The following IQCH variants were observed in gnomAD, a reference collection of about 807,000 sequenced individuals.
IQCH encodes IQ domain-containing protein H.
A neutral mutation model predicts 117.0 loss-of-function variants in IQCH; 98 were observed. That is an observed-to-expected ratio of 0.84 (90% CI 0.71 to 0.99). The LOEUF is 0.99. IQCH is among the 50% of genes least tolerant of loss of function. The pLI, the probability that IQCH is intolerant of heterozygous loss-of-function variation, is 0.00. For synonymous variants in IQCH, 412 were observed against 448.2 expected (o/e 0.92, Z 1.02); for missense variants, 1,102 against 1,243.8 (o/e 0.89, Z 1.72).
intron 3 of IQCH, among the ~76,000 whole-genome samples, chr15:67,268,219 G>A (rs1965757124): frequency 6.6e-6 from 1 of 152,194 alleles, no homozygotes; most frequent in African/African-American, 2.4e-5. Context: ...GTCTGGTAGA[G>A]ACAAACCAGT....
At chr15:67,412,691 G>A (rs868019128) in intron 14 of IQCH, among the ~76,000 whole-genome samples, 10 of 152,084 alleles carry the variant, frequency 6.6e-5, no homozygotes, top group Admixed American at 3.9e-4. Context: ...GAGCCACCGC[G>A]CCCGGCCTCA....
intron 14 of IQCH, among the ~76,000 whole-genome samples, chr15:67,410,448 C>T (rs2081420930): frequency 1.3e-5 from 2 of 152,206 alleles, no homozygotes; most frequent in South Asian, 4.1e-4. Context: ...GTAGCTCCTG[C>T]AGTTTGTCCC....
At chr15:67,276,238 A>G (rs1035805835) in intron 3 of IQCH, among the ~76,000 whole-genome samples, 3 of 152,360 alleles carry the variant, frequency 2.0e-5, no homozygotes, top group African/African-American at 7.2e-5. Flanking sequence ...AAAGGATTTA[A>G]GAAATACACC....
At chr15:67,263,080 A>T in intron 2 of IQCH, 42 bp from the exon 3 acceptor site, 1 of 1,039,494 alleles carries the variant, frequency 9.6e-7, no homozygotes, top group Non-Finnish European at 1.5e-6. Flanking sequence ...TGAGTATCTT[A>T]AGTCCACAAT....
Position 67,445,597 on chromosome 15 carries a change from C to A in IQCH, c.2506-19530C>A, listed in dbSNP as rs894298509. ...GGGGTTGCAGGTGTGTGCCACCACA[C>A]CAGGCTAATTTTTATATTTTTAGTA... On this transcript the variant is annotated intron_variant, in intron 16 of 20. Transcript: ENST00000335894. This position sits in a 1 kb window ranked among gnomAD's most constrained non-coding sequence, Gnocchi z 4.3. Among the ~76,000 whole-genome samples the A allele has an allele frequency of 4.6e-5, 7 of 152,096 alleles. No homozygotes were observed. Among genetic ancestry groups the A allele is most frequent in the Admixed American group, 4.6e-4 (7 of 15,260 alleles).
chr15:67,300,205 A>G (rs567531097), intron 4 of IQCH, among the ~76,000 whole-genome samples: 1 of 152,248 alleles, frequency 6.6e-6, no homozygotes, highest in African/African-American at 2.4e-5. Flanking sequence ...AGGGGAAGGG[A>G]GTATTATTAA....
chr15:67,305,704 G>C (rs1376539264), intron 4 of IQCH, among the ~76,000 whole-genome samples: 1 of 152,042 alleles, frequency 6.6e-6, no homozygotes, highest in Non-Finnish European at 1.5e-5. Context: ...TGTTTCATGT[G>C]AACTTTTTCT....
intron 20 of IQCH, among the ~76,000 whole-genome samples, chr15:67,497,505 CT>C (rs1265260335): frequency 1.3e-5 from 2 of 151,056 alleles, no homozygotes; most frequent in African/African-American, 2.4e-5. Context: ...ATTTTTTTTT[CT>C]TTTTTGAGAC....
chr15:67,267,125 C>A (rs907186917), intron 3 of IQCH, among the ~76,000 whole-genome samples: 1 of 152,200 alleles, frequency 6.6e-6, no homozygotes, highest in Non-Finnish European at 1.5e-5. Flanking sequence ...GGGACGTTAC[C>A]ACATGAGGGA....
intron 14 of IQCH, 84 bp downstream of exon 14, chr15:67,400,389 T>G: frequency 1.0e-6 from 1 of 964,460 alleles, no homozygotes; most frequent in Non-Finnish European, 1.6e-6. Context: ...GAGATGAAAG[T>G]ACTTTCCTCT....
chr15:67,484,071 G>C (rs1338327994), intron 18 of IQCH, among the ~76,000 whole-genome samples: 1 of 151,848 alleles, frequency 6.6e-6, no homozygotes, highest in Non-Finnish European at 1.5e-5. Context: ...AAGCATGAAG[G>C]AAAACCTTTA....
chr15:67,372,399 G>A lies in IQCH; in HGVS notation c.1042G>A (p.Asp348Asn). 1.2e-6 allele frequency: 2 copies of A among 1,614,080 alleles called. No homozygotes were observed. Among genetic ancestry groups the A allele is most frequent in the Non-Finnish European group, 1.7e-6 (2 of 1,180,000 alleles). Reference sequence around the variant, plus strand: ...ATATGACCTTCTCTCAGTGTTAGAGGACCCAGCTCATGTCCAAATGCTGAT... The same window carrying A: ...ATATGACCTTCTCTCAGTGTTAGAGAACCCAGCTCATGTCCAAATGCTGAT... ...TRYDLLSVLE[D>N]PAHVQMLINL... The change falls in exon 9 of 21, where the codon GAC (aspartate) becomes AAC (asparagine). Residue 348 changes from aspartate (D) to asparagine (N), a missense_variant. Coordinates refer to ENST00000335894, the MANE Select transcript of IQCH (RefSeq NM_001031715.3).
intron 16 of IQCH, among the ~76,000 whole-genome samples, chr15:67,429,278 C>G (rs1293270777): frequency 6.6e-6 from 1 of 152,166 alleles, no homozygotes; most frequent in South Asian, 2.1e-4. Flanking sequence ...CTTTGGAAAG[C>G]TGAGATGGGA....
At position 67,467,398 on chromosome 15, in the gene IQCH, T is replaced by C. The variant is rs966577314; in HGVS notation, c.2676+2101T>C. ...TGCCTATAGGTTTCATTCCTAGCTA[T>C]AGGCAACATTCTCCTGTGATCAAGT... On this transcript the variant is annotated intron_variant, in intron 17 of 20. Coordinates refer to ENST00000335894, the MANE Select transcript of IQCH (RefSeq NM_001031715.3). This position sits in a 1 kb window ranked among gnomAD's most constrained non-coding sequence, Gnocchi z 5.7. 5.3e-5 allele frequency among the ~76,000 whole-genome samples: 8 copies of C among 152,224 alleles called. No homozygotes were observed. Among genetic ancestry groups the C allele is most frequent in the African/African-American group, 1.7e-4 (7 of 41,462 alleles).
At chr15:67,361,404 A>G (rs1454850041) in intron 8 of IQCH, among the ~76,000 whole-genome samples, 2 of 152,234 alleles carry the variant, frequency 1.3e-5, no homozygotes, top group African/African-American at 2.4e-5. Flanking sequence ...TAGTCATCCA[A>G]TTAGTAAATG....
At position 67,425,868 on chromosome 15, in the gene IQCH, C is replaced by T. The variant is rs2081875582; in HGVS notation, c.2505+4291C>T. ...TTTCCTTCTCCACCTCTCATTTATGCCTGTAGGTCTGTATGTATTTATGTC... is the reference window on the plus strand; with the variant it reads ...TTTCCTTCTCCACCTCTCATTTATGTCTGTAGGTCTGTATGTATTTATGTC... On this transcript the variant is annotated intron_variant, in intron 16 of 20. Coordinates refer to ENST00000335894, the MANE Select transcript of IQCH (RefSeq NM_001031715.3). This position sits in a 1 kb window ranked among gnomAD's most constrained non-coding sequence, Gnocchi z 5.5. Among the ~76,000 whole-genome samples the T allele has an allele frequency of 6.6e-6, 1 of 152,140 alleles. No individual in the cohort carries two copies. The highest frequency in any genetic ancestry group is 2.1e-4 in the South Asian group (1 of 4,830).
rs932971161 is a variant in IQCH at position 67,264,107 on chromosome 15, C to G, written c.269+891C>G. ...GCAGAGCTTTGGGTGTACATTGGACCTGTCTCCCTTTCCCTACATGAAGGC... is the reference window on the plus strand; with the variant it reads ...GCAGAGCTTTGGGTGTACATTGGACGTGTCTCCCTTTCCCTACATGAAGGC... On this transcript the variant is annotated intron_variant, in intron 3 of 20. Transcript: ENST00000335894. Among the ~76,000 whole-genome samples the G allele has an allele frequency of 3.3e-5, 5 of 152,168 alleles. 1 individual carries two copies. The highest frequency in any genetic ancestry group is 7.3e-5 in the Non-Finnish European group (5 of 68,032).
intron 18 of IQCH, among the ~76,000 whole-genome samples, chr15:67,480,660 T>C (rs2083316651): frequency 6.6e-6 from 1 of 152,102 alleles, no homozygotes; most frequent in Non-Finnish European, 1.5e-5. Flanking sequence ...AGTCAGGCAA[T>C]GAGTGGCTGG....
At position 67,359,685 on chromosome 15, in the gene IQCH, A is replaced by G. The variant is rs1405265561; in HGVS notation, c.715-162A>G. Among the ~76,000 whole-genome samples, 1 of 152,254 alleles carries G rather than the reference A, an allele frequency of 6.6e-6. No homozygotes were observed. The highest frequency in any genetic ancestry group is 1.5e-5 in the Non-Finnish European group (1 of 68,050). ...CAGAGCATCGTTGTCAGTGTGGGAA[A>G]GGTCTTTCTAATTATTAGCTCCTGC... On this transcript the variant is annotated intron_variant, in intron 7 of 20. Transcript: ENST00000335894. This position sits in a 1 kb window ranked among gnomAD's most constrained non-coding sequence, Gnocchi z 4.5.
Sources: allele counts gnomAD v4.1 joint callset (sites outside exome capture counted in the v4.1 genomes callset), GRCh38; gene constraint gnomAD v4.1.1; non-coding constraint Gnocchi (gnomAD v3.1); transcripts MANE v1.5; gene names NCBI Gene and HGNC (gene_info 2026-07-23, HGNC 2026-07-21).